Variants in DYNC2I2 observed in about 807,000 individuals in gnomAD.
DYNC2I2 encodes dynein 2 intermediate chain 2.
In DYNC2I2, 39 loss-of-function variants were observed where a neutral mutation model predicts 52.0. The observed-to-expected ratio is 0.75, with a 90% confidence interval of 0.58 to 0.98. The LOEUF (loss-of-function observed/expected upper bound fraction) is 0.98. Among genes scored for constraint, DYNC2I2 ranks in the 50% least tolerant of loss-of-function variants. DYNC2I2 has a pLI of 0.00. For synonymous variants in DYNC2I2, 359 were observed against 321.1 expected (o/e 1.12, Z -1.26); for missense variants, 743 against 728.4 (o/e 1.02, Z -0.23).
At position 128,642,598 on chromosome 9, in the gene DYNC2I2, G is replaced by A. The variant is rs369733482; in HGVS notation, c.187-1659C>T. On this transcript the variant is annotated intron_variant, in intron 1 of 8. Coordinates refer to ENST00000372715, the MANE Select transcript of DYNC2I2 (RefSeq NM_052844.4). ...ATCCTGGCTAATACGGTGAAACCCCGTCTCTACTAAAAATACAAAAAAATT... is the reference window on the plus strand; with the variant it reads ...ATCCTGGCTAATACGGTGAAACCCCATCTCTACTAAAAATACAAAAAAATT... Among the ~76,000 whole-genome samples the A allele has an allele frequency of 2.6e-3, 394 of 151,658 alleles. 5 individuals are homozygous for A. The highest frequency in any genetic ancestry group is 8.9e-3 in the African/African-American group (368 of 41,342).
chr9:128,659,196 G>A (rs1860888821), upstream of DYNC2I2, among the ~76,000 whole-genome samples: 1 of 151,918 alleles, frequency 6.6e-6, no homozygotes, highest in Middle Eastern at 3.4e-3. Context: ...AATGTAGACT[G>A]AAGAAAAAGG....
rs776520907 is a variant in DYNC2I2, at chr9:128,634,324, G to A, written c.1274C>T (p.Ala425Val). The change falls in exon 8 of 9, where the codon GCC (alanine) becomes GTC (valine). Residue 425 changes from alanine (A) to valine (V), a missense_variant. Transcript: ENST00000372715. The part of the protein sequence containing the change: ...GHVHLYSMLQ[A>V]PPLTSLQLSL... ...GAGCTGCAGCGAAGTCAAGGGAGGG[G>A]CCTGCAGCATGGAGTACAGGTGGAC... The A allele has an allele frequency of 1.2e-6, 2 of 1,612,790 alleles. No homozygotes were observed. Among genetic ancestry groups the A allele is most frequent in the African/African-American group, 2.7e-5 (2 of 74,874 alleles).
chr9:128,650,010 A>T (rs1860695903), intron 1 of DYNC2I2, among the ~76,000 whole-genome samples: 1 of 56,666 alleles, frequency 1.8e-5, no homozygotes, highest in African/African-American at 3.5e-5. Context: ...AATAAATGAA[A>T]AATTTTTTAA....
At chr9:128,682,237 G>T in the DYNC2I2 span, among the ~76,000 whole-genome samples, 1 of 151,780 alleles carries the variant, frequency 6.6e-6, no homozygotes, top group African/African-American at 2.4e-5. Flanking sequence ...TTTAGTAGAG[G>T]TGGGGCTTCA....
the DYNC2I2 span, among the ~76,000 whole-genome samples, chr9:128,669,251 G>A: frequency 6.6e-6 from 1 of 152,086 alleles, no homozygotes; most frequent in Non-Finnish European, 1.5e-5. Flanking sequence ...TGTAGTCCCA[G>A]CTACTCGGGA....
intron 1 of DYNC2I2, among the ~76,000 whole-genome samples, chr9:128,645,337 A>T (rs1232950484): frequency 6.6e-6 from 1 of 152,072 alleles, no homozygotes; most frequent in African/African-American, 2.4e-5. Context: ...CTCTACTAAA[A>T]ATACATAAAT....
the DYNC2I2 span, among the ~76,000 whole-genome samples, chr9:128,670,198 T>C: frequency 6.6e-6 from 1 of 152,046 alleles, no homozygotes; most frequent in Non-Finnish European, 1.5e-5. Flanking sequence ...CCCAGCACTT[T>C]GGGAGCCCAA....
intron 1 of DYNC2I2, among the ~76,000 whole-genome samples, chr9:128,647,611 T>G (rs531949940): frequency 3.3e-5 from 5 of 151,750 alleles, no homozygotes; most frequent in South Asian, 2.1e-4. Context: ...GGCATGCACC[T>G]GTAATCCCAG....
chr9:128,663,883 G>A, the DYNC2I2 span, among the ~76,000 whole-genome samples: 2 of 150,454 alleles, frequency 1.3e-5, no homozygotes, highest in African/African-American at 2.4e-5. Flanking sequence ...GACCTCCTGG[G>A]CTCAAGCGAT....
At chr9:128,680,697 C>G in the DYNC2I2 span, among the ~76,000 whole-genome samples, 3 of 150,562 alleles carry the variant, frequency 2.0e-5, no homozygotes, top group Non-Finnish European at 4.4e-5. Flanking sequence ...ATTTTTGAGA[C>G]AGGGTCTCAC....
chr9:128,636,996 G>A lies in DYNC2I2; in HGVS notation c.467C>T (p.Pro156Leu). 6.2e-7 allele frequency: 1 copy of A among 1,613,420 alleles called. No individual in the cohort carries two copies. The highest frequency in any genetic ancestry group is 8.5e-7 in the Non-Finnish European group (1 of 1,179,990). The change falls in exon 3 of 9, where the codon CCA becomes CTA. Residue 156 changes from proline to leucine, a missense_variant. Pro to Leu is a moderately conservative substitution (Grantham distance 98). Transcript: ENST00000372715. ...CACATGCAGACCCTGCGCTTGGGCT[G>A]GCGGGTAGCCCAGGGTATACAGACA... is the stretch of plus-strand genomic sequence containing the variant. ...VSCLYTLGYP[P>L]AQAQGLHVTS...
upstream of DYNC2I2, among the ~76,000 whole-genome samples, chr9:128,658,942 G>T (rs1323561481): frequency 6.6e-6 from 1 of 151,674 alleles, no homozygotes; most frequent in Non-Finnish European, 1.5e-5. Context: ...TGTTGCCCAG[G>T]CTGGTCTCGA....
chr9:128,668,231 T>G, the DYNC2I2 span, among the ~76,000 whole-genome samples: 3 of 143,320 alleles, frequency 2.1e-5, no homozygotes, highest in African/African-American at 7.9e-5. Flanking sequence ...AGTGCTGGGA[T>G]TACAGGCGTG....
In DYNC2I2 at chr9:128,656,702, G is replaced by T. The variant is rs901746265; in HGVS notation, c.25C>A (p.Pro9Thr). 7.6e-6 allele frequency: 11 copies of T among 1,451,760 alleles called. No homozygotes were observed. The highest frequency in any genetic ancestry group is 8.1e-6 in the Non-Finnish European group (9 of 1,113,744). 89.9% of individuals were successfully genotyped at this position (1,451,760 alleles called of 1,614,324 possible). A position where few individuals can be genotyped will look rare whatever the true frequency, so the allele number is the denominator to read the frequency against. Residue 9 changes from proline (P) to threonine (T), a missense_variant, in exon 1 of 9, where the codon CCA becomes ACA. By Grantham distance (38) the Pro-to-Thr change is conservative. Transcript: ENST00000372715. The stretch of plus-strand genomic sequence containing the variant: ...CCAGCGCTTCCCGCCTGGCTGAGTG[G>T]CCCCGGCTGCGCGCGGGTTGCCATG... MATRAQPG[P>T]LSQAGSAGVA...
At chr9:128,683,633 GCC>G in the DYNC2I2 span, 1 of 399,074 alleles carries the variant, frequency 2.5e-6, no homozygotes, top group Non-Finnish European at 4.6e-6. Context: ...GGAAGAACTT[GCC>G]CCCTCCCCCA....
Position 128,634,326 on chromosome 9 carries a change from C to T in DYNC2I2, c.1272G>A (p.Gln424=). 1 of 1,612,722 alleles carries T rather than the reference C, an allele frequency of 6.2e-7. No homozygotes were observed. The highest frequency in any genetic ancestry group is 8.5e-7 in the Non-Finnish European group (1 of 1,179,528). The change falls in exon 8 of 9, where the codon CAG becomes CAA. Residue 424 remains glutamine, a synonymous_variant. Transcript: ENST00000372715. ...DGHVHLYSML[Q]APPLTSLQLS... The stretch of plus-strand genomic sequence containing the variant: ...GCTGCAGCGAAGTCAAGGGAGGGGC[C>T]TGCAGCATGGAGTACAGGTGGACAT...
chr9:128,637,428 G>T (rs137978882), intron 2 of DYNC2I2, among the ~76,000 whole-genome samples: 1 of 152,268 alleles, frequency 6.6e-6, no homozygotes, highest in Non-Finnish European at 1.5e-5. Flanking sequence ...ATTTTTTGTT[G>T]TTTGTGGTGG....
At chr9:128,683,762 T>G in the DYNC2I2 span, 11 of 690,872 alleles carry the variant, frequency 1.6e-5, no homozygotes, top group Non-Finnish European at 2.6e-5. Context: ...CCCACTGTCA[T>G]GTAAATATCC....
rs370599383 is a variant in DYNC2I2 at position 128,635,275 on chromosome 9, G to T, written c.814-16C>A. Reference sequence around the variant, plus strand: ...GCCACACCACCTGAGTTAACAGCATGCAGGGCCAGGATGGAGACAAGGGAC... The same window carrying T: ...GCCACACCACCTGAGTTAACAGCATTCAGGGCCAGGATGGAGACAAGGGAC... On this transcript the variant is annotated splice_polypyrimidine_tract_variant and intron_variant, in intron 5 of 8. Coordinates refer to ENST00000372715, the MANE Select transcript of DYNC2I2 (RefSeq NM_052844.4). 1 of 1,611,582 alleles carries T rather than the reference G, an allele frequency of 6.2e-7. No individual in the cohort carries two copies. The highest frequency in any genetic ancestry group is 1.1e-5 in the South Asian group (1 of 90,986).
Sources: allele counts gnomAD v4.1 joint callset (sites outside exome capture counted in the v4.1 genomes callset), GRCh38; gene constraint gnomAD v4.1.1; transcripts MANE v1.5; gene names NCBI Gene and HGNC (gene_info 2026-07-23, HGNC 2026-07-21).